ABHD3: variants seen among roughly 807,000 people sequenced by gnomAD.
The protein encoded by ABHD3 is phospholipase ABHD3.
Under a neutral mutation model 48.8 loss-of-function variants are expected in ABHD3, and 46 were observed. The ratio of observed to expected loss-of-function variants is 0.94; its 90% CI spans 0.74 to 1.20. The LOEUF is 1.20. Ranked by LOEUF, ABHD3 falls within the 50% of genes most tolerant of loss-of-function variation. The pLI is 0.00. For synonymous variants in ABHD3, 192 were observed against 183.7 expected (o/e 1.04, Z -0.36); for missense variants, 490 against 497.8 (o/e 0.98, Z 0.15).
At chr18:21,657,281 T>G in intron 6 of ABHD3, 129 bp from the exon 7 acceptor site, 1 of 713,750 alleles carries the variant, frequency 1.4e-6, no homozygotes. Context: ...AATATTTGCT[T>G]AATCAGGTAC....
At chr18:21,703,396 ACCTGCAGCTGGGGTATTTT>A (rs1275576072) in intron 2 of ABHD3, among the ~76,000 whole-genome samples, 169 bp downstream of exon 2, 7 of 152,078 alleles carry the variant, frequency 4.6e-5, no homozygotes, top group South Asian at 4.1e-4. Context: ...GGAGGCAAAT[ACCTGCAGCTGGGGTATTTT>A]CCTGCAGCTG....
rs1396410240 is a variant in ABHD3, at chr18:21,667,077, A to T, written c.556-2847T>A. Among the ~76,000 whole-genome samples, 10 of 125,008 alleles carry T rather than the reference A, an allele frequency of 8.0e-5. 1 individual carries two copies. Among genetic ancestry groups the T allele is most frequent in the African/African-American group, 3.6e-4 (10 of 28,152 alleles). 82.0% of individuals were successfully genotyped at this position (125,008 alleles called of 152,430 possible). On this transcript the variant is annotated intron_variant, in intron 4 of 8. Transcript: ENST00000289119. ...CTAATGAGTAGCCTGAGAAAATTAC[A>T]TTTTTTTTTTTTTTTGAGACAAGTC...
rs144864068 is a variant in ABHD3 at position 21,694,590 on chromosome 18, A to G, written c.509+7726T>C. ...TCTCTAAGTAGGAAATAAAGTAACA[A>G]GACAGTAAGAAATGTCTTAAAACAC... On this transcript the variant is annotated intron_variant, in intron 3 of 8. Transcript: ENST00000289119. 6.4e-3 allele frequency among the ~76,000 whole-genome samples: 974 copies of G among 152,342 alleles called. 5 individuals are homozygous for G. Among genetic ancestry groups the G allele is most frequent in the Non-Finnish European group, 0.011 (733 of 68,030 alleles).
At chr18:21,687,772 G>A (rs1367737982) in intron 3 of ABHD3, among the ~76,000 whole-genome samples, 3 of 152,256 alleles carry the variant, frequency 2.0e-5, no homozygotes, top group East Asian at 3.9e-4. Context: ...TTTAATGAAG[G>A]TTAAATAAAA....
intron 3 of ABHD3, among the ~76,000 whole-genome samples, chr18:21,697,563 T>G (rs2146335635): frequency 6.6e-6 from 1 of 152,208 alleles, no homozygotes; most frequent in South Asian, 2.1e-4. Context: ...GTATTTTTAG[T>G]AGAAACAAGG....
chr18:21,660,813 A>G (rs1407941656), intron 5 of ABHD3, among the ~76,000 whole-genome samples: 1 of 152,102 alleles, frequency 6.6e-6, no homozygotes, highest in Non-Finnish European at 1.5e-5. Flanking sequence ...ATATAGGACA[A>G]TGCTTACTCT....
At position 21,651,023 on chromosome 18, in the gene ABHD3, A is replaced by G. The variant is rs1355825056; in HGVS notation, c.*568T>C. ...AAGTTAGTCCTAATTTAATATTATC[A>G]GAGTAAAAGAGCACATATAGAAGTC... On this transcript the variant is annotated 3_prime_UTR_variant, in exon 9 of 9. Coordinates refer to ENST00000289119, the MANE Select transcript of ABHD3 (RefSeq NM_138340.5). 1 of 152,186 alleles carries G rather than the reference A, an allele frequency of 6.6e-6. No homozygotes were observed. Among genetic ancestry groups the G allele is most frequent in the African/African-American group, 2.4e-5 (1 of 41,458 alleles). 9.4% of individuals were successfully genotyped at this position (152,186 alleles called of 1,614,324 possible).
At chr18:21,653,699 C>T (rs1017051327) in intron 8 of ABHD3, among the ~76,000 whole-genome samples, 1 of 142,400 alleles carries the variant, frequency 7.0e-6, no homozygotes, top group African/African-American at 2.6e-5. Context: ...CTAGCCTGGG[C>T]AGCATAGCGA....
At chr18:21,698,537 A>T (rs771473528) in intron 3 of ABHD3, among the ~76,000 whole-genome samples, 1 of 151,766 alleles carries the variant, frequency 6.6e-6, no homozygotes, top group Admixed American at 6.6e-5. Flanking sequence ...GGGAAGTAAG[A>T]CATAAACATT....
Position 21,703,740 on chromosome 18 carries a change from T to C in ABHD3, c.170A>G (p.Gln57Arg). The C allele has an allele frequency of 6.2e-7, 1 of 1,613,344 alleles. No homozygotes were observed. The highest frequency in any genetic ancestry group is 1.3e-5 in the African/African-American group (1 of 75,008). Residue 57 changes from glutamine (Q) to arginine (R), a missense_variant, in exon 2 of 9, where the codon CAG becomes CGG. Gln to Arg is a conservative substitution (Grantham distance 43). Coordinates refer to ENST00000289119, the MANE Select transcript of ABHD3 (RefSeq NM_138340.5). ...YYLSSIAKKPQLVTGGESFSR... is the reference protein window; with the variant it reads ...YYLSSIAKKPRLVTGGESFSR... ...GAAACTCTCACCCCCGGTCACTAACTGGGGTTTCTGAAGGGAAAAGCAGTA... is the reference window on the plus strand; with the variant it reads ...GAAACTCTCACCCCCGGTCACTAACCGGGGTTTCTGAAGGGAAAAGCAGTA...
In ABHD3 at chr18:21,666,800, G is replaced by A. The variant is rs115006830; in HGVS notation, c.556-2570C>T. 4.6e-3 allele frequency among the ~76,000 whole-genome samples: 705 copies of A among 152,220 alleles called. 4 individuals carry two copies. Among genetic ancestry groups the A allele is most frequent in the African/African-American group, 0.016 (664 of 41,536 alleles). On this transcript the variant is annotated intron_variant, in intron 4 of 8. Coordinates refer to ENST00000289119, the MANE Select transcript of ABHD3 (RefSeq NM_138340.5). The stretch of plus-strand genomic sequence containing the variant: ...ATCAATAAGGGCTCTGTTTATAGCA[G>A]AAAAGCATCACGGATGCTTCACTTG...
At chr18:21,694,314 C>T (rs1168910458) in intron 3 of ABHD3, among the ~76,000 whole-genome samples, 3 of 152,090 alleles carry the variant, frequency 2.0e-5, no homozygotes, top group Non-Finnish European at 4.4e-5. Flanking sequence ...TCAGGCTGGT[C>T]TCGAACTCCT....
intron 4 of ABHD3, among the ~76,000 whole-genome samples, chr18:21,679,315 T>C (rs1432762668): frequency 6.6e-6 from 1 of 152,150 alleles, no homozygotes; most frequent in Non-Finnish European, 1.5e-5. Flanking sequence ...ATAATCGATA[T>C]TAGCATCTCA....
chr18:21,676,357 G>A (rs2039881779), intron 4 of ABHD3, among the ~76,000 whole-genome samples: 1 of 152,106 alleles, frequency 6.6e-6, no homozygotes, highest in Non-Finnish European at 1.5e-5. Context: ...ACATCATGTT[G>A]TATACAATAA....
chr18:21,665,863 A>C (rs1010744853), intron 4 of ABHD3, among the ~76,000 whole-genome samples: 5 of 151,312 alleles, frequency 3.3e-5, no homozygotes, highest in Non-Finnish European at 7.4e-5. Flanking sequence ...CCAAATCCCC[A>C]AAATTTTAAA....
At chr18:21,652,304 G>A (rs759460791) in intron 8 of ABHD3, among the ~76,000 whole-genome samples, 52 of 151,764 alleles carry the variant, frequency 3.4e-4, no homozygotes, top group African/African-American at 1.3e-3. Flanking sequence ...ACCAGCCTGG[G>A]CAACATAGTG....
chr18:21,696,977 G>C (rs186212354), intron 3 of ABHD3, among the ~76,000 whole-genome samples: 1 of 152,148 alleles, frequency 6.6e-6, no homozygotes, highest in Admixed American at 6.5e-5. Flanking sequence ...CTTGCGGGCA[G>C]GAACTATCCA....
intron 8 of ABHD3, among the ~76,000 whole-genome samples, chr18:21,654,374 C>T (rs2146276488): frequency 6.6e-6 from 1 of 152,194 alleles, no homozygotes; most frequent in Non-Finnish European, 1.5e-5. Context: ...GAACTGGGGC[C>T]CTTCCACAAA....
intron 6 of ABHD3, among the ~76,000 whole-genome samples, 198 bp from the exon 7 acceptor site, chr18:21,657,350 T>C (rs2039381626): frequency 6.6e-6 from 1 of 152,014 alleles, no homozygotes; most frequent in African/African-American, 2.4e-5. Context: ...ACTTTTTTTT[T>C]TTTTTTTGAG....
Sources: gnomAD v4.1 joint callset for allele counts (sites outside exome capture counted in the v4.1 genomes callset) on GRCh38, gnomAD v4.1.1 for gene constraint, MANE v1.5 for transcripts, NCBI Gene and HGNC (gene_info 2026-07-23, HGNC 2026-07-21) for gene names.